Variants in NUP107 observed in about 807,000 individuals in gnomAD.
NUP107 encodes the protein nucleoporin 107, also known as nuclear pore complex protein Nup107.
In NUP107, 101 loss-of-function variants were observed where a neutral mutation model predicts 141.0. That is an observed-to-expected ratio of 0.72 (90% CI 0.61 to 0.84). NUP107 has a LOEUF of 0.84. Among genes scored for constraint, NUP107 ranks in the 40% least tolerant of loss-of-function variants. The probability of loss-of-function intolerance (pLI) is 0.00; values close to 1 mark genes in which losing one functional copy is unlikely to be tolerated. For missense variants in NUP107, 941 were observed against 1,102.7 expected, an observed-to-expected ratio of 0.85 and a Z score of 2.08; for synonymous variants, 319 against 363.9, an observed-to-expected ratio of 0.88 and a Z score of 1.41.
intron 4 of NUP107, 74 bp downstream of exon 4, chr12:68,690,820 C>G (rs1875748179): frequency 1.4e-6 from 2 of 1,428,124 alleles, no homozygotes; most frequent in Non-Finnish European, 1.9e-6. Context: ...CTCAGCACTC[C>G]CTGAACTCCT....
At chr12:68,699,100 G>A (rs1453984022) in intron 6 of NUP107, among the ~76,000 whole-genome samples, 1 of 152,152 alleles carries the variant, frequency 6.6e-6, no homozygotes, top group Non-Finnish European at 1.5e-5. Flanking sequence ...GCCAGGCACA[G>A]TGGCTCATAC....
intron 20 of NUP107, among the ~76,000 whole-genome samples, chr12:68,730,276 G>T (rs1286207080): frequency 7.7e-6 from 1 of 130,598 alleles, no homozygotes; most frequent in East Asian, 2.4e-4. Flanking sequence ...TGTGGAGTGT[G>T]GTGGAATGAT....
chr12:68,697,318 G>A (rs1592494756), intron 6 of NUP107, among the ~76,000 whole-genome samples: 1 of 152,116 alleles, frequency 6.6e-6, no homozygotes, highest in East Asian at 1.9e-4. Flanking sequence ...TAGCTCCTTG[G>A]GAGGCTCAGG....
chr12:68,690,749 A>T lies in NUP107; in HGVS notation c.303+3A>T, dbSNP rs1412160352. 1.2e-6 allele frequency: 2 copies of T among 1,613,744 alleles called. No homozygotes were observed. The highest frequency in any genetic ancestry group is 1.7e-6 in the Non-Finnish European group (2 of 1,179,840). Reference sequence around the variant, plus strand: ...GGTTCTTTGGAAATCTCTCCATGGTATGTAGAAAAATAGGGCTAAGAACTC... The same window carrying T: ...GGTTCTTTGGAAATCTCTCCATGGTTTGTAGAAAAATAGGGCTAAGAACTC... On this transcript the variant is annotated splice_donor_region_variant and intron_variant, in intron 4 of 27. Coordinates refer to ENST00000229179, the MANE Select transcript of NUP107 (RefSeq NM_020401.4).
chr12:68,737,826 T>A (rs540080724), intron 26 of NUP107, among the ~76,000 whole-genome samples: 162 of 152,288 alleles, frequency 1.1e-3, no homozygotes, highest in African/African-American at 3.7e-3. Context: ...CTAACACGTG[T>A]CACTTGTATG....
At chr12:68,727,974 G>T (rs776148017) in intron 20 of NUP107, among the ~76,000 whole-genome samples, 5 of 152,080 alleles carry the variant, frequency 3.3e-5, no homozygotes, top group Non-Finnish European at 5.9e-5. Context: ...TTAGAGAAAA[G>T]AAAACATTAC....
intron 17 of NUP107, among the ~76,000 whole-genome samples, chr12:68,724,594 TG>T (rs1428539738): frequency 6.6e-6 from 1 of 151,922 alleles, no homozygotes; most frequent in Non-Finnish European, 1.5e-5. Flanking sequence ...ATGGACAACA[TG>T]GCAAAACCCC....
chr12:68,687,209 C>G, intron 1 of NUP107, 136 bp downstream of exon 1: 1 of 1,286,280 alleles, frequency 7.8e-7, no homozygotes, highest in Non-Finnish European at 1.1e-6. Flanking sequence ...TTCCCCATGC[C>G]GGGAAATTTG....
At chr12:68,696,275 G>A (rs1876048570) in intron 5 of NUP107, among the ~76,000 whole-genome samples, 1 of 152,076 alleles carries the variant, frequency 6.6e-6, no homozygotes, top group Non-Finnish European at 1.5e-5. Context: ...TGAGGCAGGA[G>A]CACCGCTTGA....
Position 68,691,977 on chromosome 12 carries a change from C to G in NUP107, c.313C>G (p.Leu105Val), listed in dbSNP as rs371390504. 1 of 1,594,134 alleles carries G rather than the reference C, an allele frequency of 6.3e-7. No individual in the cohort carries two copies. ...TTTGTTTTTTTTTAAGGTTACTAAT[C>G]TGGATGACAGTAACTGGGCAGCTGC... is the stretch of plus-strand genomic sequence containing the variant. ...FFGNLSMVTN[L>V]DDSNWAAAFS... Residue 105 changes from leucine (L) to valine (V), a missense_variant, in exon 5 of 28, where the codon CTG (leucine) becomes GTG (valine). Transcript: ENST00000229179.
At chr12:68,722,016 G>A in intron 16 of NUP107, 30 bp downstream of exon 16, 1 of 1,612,610 alleles carries the variant, frequency 6.2e-7, no homozygotes. Flanking sequence ...TTGAGTCATG[G>A]TGATTTGTAG....
At chr12:68,702,133 C>T (rs998771849) in intron 7 of NUP107, among the ~76,000 whole-genome samples, 3 of 152,100 alleles carry the variant, frequency 2.0e-5, no homozygotes, top group East Asian at 1.9e-4. Flanking sequence ...GGATTAGAGG[C>T]GCATGCCAAC....
chr12:68,703,138 G>A (rs888405290), intron 8 of NUP107, among the ~76,000 whole-genome samples: 4 of 152,202 alleles, frequency 2.6e-5, no homozygotes, highest in Middle Eastern at 3.4e-3. Context: ...GAGCCACTGC[G>A]CCCAGCCAGG....
chr12:68,703,557 A>T (rs1876439092), intron 8 of NUP107, among the ~76,000 whole-genome samples: 1 of 151,336 alleles, frequency 6.6e-6, no homozygotes, highest in South Asian at 2.1e-4. Flanking sequence ...TTCAAGTGAT[A>T]CTTCTGCCTC....
intron 8 of NUP107, chr12:68,707,125 C>T (rs1876622324): frequency 1.8e-5 from 10 of 560,956 alleles, no homozygotes; most frequent in Non-Finnish European, 3.2e-5. Flanking sequence ...CCCAGAGAGG[C>T]TGCTGTCCAG....
chr12:68,714,498 C>T (rs577815000), intron 11 of NUP107: 1 of 152,266 alleles, frequency 6.6e-6, no homozygotes, highest in South Asian at 2.1e-4. Flanking sequence ...AGAAAGAGAC[C>T]ATGTTCCAAA....
At chr12:68,727,996 T>A (rs1877636374) in intron 20 of NUP107, among the ~76,000 whole-genome samples, 1 of 152,092 alleles carries the variant, frequency 6.6e-6, no homozygotes, top group Admixed American at 6.6e-5. Context: ...AAGAAAATCA[T>A]AAGGGGCTCG....
chr12:68,687,188 C>T, intron 1 of NUP107, 115 bp downstream of exon 1: 1 of 1,398,340 alleles, frequency 7.2e-7, no homozygotes, highest in East Asian at 2.3e-5. Flanking sequence ...GGGTGCTTCC[C>T]CTAAGGCTCC....
chr12:68,710,075 A>G lies in NUP107; in HGVS notation c.872A>G (p.Tyr291Cys). 2 of 1,561,938 alleles carry G rather than the reference A, an allele frequency of 1.3e-6. No individual in the cohort carries two copies. Among genetic ancestry groups the G allele is most frequent in the Admixed American group, 3.3e-5 (2 of 59,816 alleles). The change falls in exon 10 of 28, where the codon TAT (tyrosine) becomes TGT (cysteine). Residue 291 changes from tyrosine (Y) to cysteine (C), a missense_variant. Coordinates refer to ENST00000229179, the MANE Select transcript of NUP107 (RefSeq NM_020401.4). ...GAATTTTCTGATAATATTGAGTTTTATGCAAAATCAGTATATTGGTAAGTT... is the reference window on the plus strand; with the variant it reads ...GAATTTTCTGATAATATTGAGTTTTGTGCAAAATCAGTATATTGGTAAGTT... ...IGEFSDNIEF[Y>C]AKSVYWENTL...
Sources: gnomAD v4.1 joint callset for allele counts (sites outside exome capture counted in the v4.1 genomes callset) on GRCh38, gnomAD v4.1.1 for gene constraint, MANE v1.5 for transcripts, NCBI Gene and HGNC (gene_info 2026-07-23, HGNC 2026-07-21) for gene names.